NCKAP5: variants seen among roughly 807,000 people sequenced by gnomAD.
The protein encoded by NCKAP5 is NCK associated protein 5, also known as nck-associated protein 5.
A neutral mutation model predicts 167.0 loss-of-function variants in NCKAP5; 92 were observed. The ratio of observed to expected loss-of-function variants is 0.55; its 90% confidence interval spans 0.47 to 0.66. The LOEUF is 0.66. Ranked by LOEUF, NCKAP5 falls within the 30% of genes least tolerant of loss-of-function variation. The pLI is 0.00. For missense variants in NCKAP5, 2,378 were observed against 2,315.0 expected (o/e 1.03, Z -0.56); for synonymous variants, 891 against 877.4 (o/e 1.02, Z -0.27).
rs1688207713 is a variant in NCKAP5 at position 132,840,290 on chromosome 2, T to G, written c.807+20202A>C. 2.0e-5 allele frequency among the ~76,000 whole-genome samples: 3 copies of G among 150,806 alleles called. No homozygotes were observed. The Admixed American group carries it at 2.0e-4, about 10-fold the overall frequency. On this transcript the variant is annotated intron_variant, in intron 11 of 19. Coordinates refer to ENST00000409261, the MANE Select transcript of NCKAP5 (RefSeq NM_207363.3). Reference sequence around the variant, plus strand: ...CATTGCACAGCATTTTTTTTTTTTTTTTTGAGATAGAGTCTCGCTCTGTTG... The same window carrying G: ...CATTGCACAGCATTTTTTTTTTTTTGTTTGAGATAGAGTCTCGCTCTGTTG...
chr2:133,023,821 TACC>T (rs1380677823), intron 6 of NCKAP5, among the ~76,000 whole-genome samples: 1 of 152,190 alleles, frequency 6.6e-6, no homozygotes, highest in Non-Finnish European at 1.5e-5. Flanking sequence ...GGTATATATG[TACC>T]ACATTTTTAA....
intron 3 of NCKAP5, among the ~76,000 whole-genome samples, chr2:133,446,931 A>G (rs772041936): frequency 2.6e-4 from 40 of 152,152 alleles, no homozygotes; most frequent in Admixed American, 8.5e-4. Context: ...GAAGGGAACC[A>G]AAAGCATGCA....
intron 6 of NCKAP5, among the ~76,000 whole-genome samples, chr2:133,014,821 T>A (rs1375762529): frequency 6.6e-6 from 1 of 152,224 alleles, no homozygotes; most frequent in Non-Finnish European, 1.5e-5. Context: ...AACGTTCCCA[T>A]GTATAATGTT....
chr2:133,445,380 A>C (rs1691129563), intron 3 of NCKAP5, among the ~76,000 whole-genome samples: 1 of 152,194 alleles, frequency 6.6e-6, no homozygotes, highest in Non-Finnish European at 1.5e-5. Context: ...GTTTCAAAAG[A>C]CTTCCCATAT....
At chr2:132,855,666 G>T (rs1374827730) in intron 11 of NCKAP5, among the ~76,000 whole-genome samples, 1 of 152,168 alleles carries the variant, frequency 6.6e-6, no homozygotes, top group African/African-American at 2.4e-5. Flanking sequence ...AGAATGAAAA[G>T]CTTCCATCAC....
intron 16 of NCKAP5, among the ~76,000 whole-genome samples, chr2:132,749,378 A>AT: frequency 6.6e-6 from 1 of 151,808 alleles, no homozygotes; most frequent in East Asian, 2.0e-4. Flanking sequence ...TAATTTTTGT[A>AT]TTTTTTGTAG....
At chr2:132,816,001 T>C (rs1686240309) in intron 11 of NCKAP5, among the ~76,000 whole-genome samples, 1 of 152,116 alleles carries the variant, frequency 6.6e-6, no homozygotes, top group Non-Finnish European at 1.5e-5. Context: ...GCCAAAGGTG[T>C]CATCATAATC....
chr2:133,445,605 T>C (rs1691144187), intron 3 of NCKAP5, among the ~76,000 whole-genome samples: 1 of 152,162 alleles, frequency 6.6e-6, no homozygotes, highest in Admixed American at 6.5e-5. Context: ...CAAATTGTTA[T>C]TTGGTCCTTC....
At chr2:133,163,301 T>C (rs1311928350) in intron 5 of NCKAP5, among the ~76,000 whole-genome samples, 1 of 152,196 alleles carries the variant, frequency 6.6e-6, no homozygotes, top group Non-Finnish European at 1.5e-5. Context: ...TTAACTTGAT[T>C]GCCTCTACAC....
chr2:132,856,072 G>T (rs897813008), intron 11 of NCKAP5, among the ~76,000 whole-genome samples: 6 of 152,188 alleles, frequency 3.9e-5, no homozygotes, highest in African/African-American at 1.4e-4. Context: ...GCTGAGGCAG[G>T]AGAATGGCGT....
chr2:133,184,059 C>T (rs4954036), intron 5 of NCKAP5, among the ~76,000 whole-genome samples: 39,288 of 151,744 alleles, frequency 0.26, 5,910 homozygotes, highest in East Asian at 0.58. Flanking sequence ...TATGAATAAT[C>T]CTGTCACCCA....
At chr2:132,878,188 C>T (rs1691436407) in intron 9 of NCKAP5, among the ~76,000 whole-genome samples, 2 of 152,168 alleles carry the variant, frequency 1.3e-5, no homozygotes, top group Non-Finnish European at 2.9e-5. Flanking sequence ...TGTCTGTTTT[C>T]TCCTCACCTC....
At chr2:133,559,534 G>A (rs1688012459) in intron 1 of NCKAP5, among the ~76,000 whole-genome samples, 1 of 152,092 alleles carries the variant, frequency 6.6e-6, no homozygotes, top group Admixed American at 6.6e-5. Flanking sequence ...TGTTGGCCAG[G>A]CTGGTCTTGA....
intron 11 of NCKAP5, among the ~76,000 whole-genome samples, chr2:132,842,058 C>CACACATTTTTTAGGATT (rs1688331788): frequency 6.6e-6 from 1 of 152,086 alleles, no homozygotes; most frequent in Non-Finnish European, 1.5e-5. Context: ...ATTGGCATTA[C>CACACATTTTTTAGGATT]ACACATTTTT....
intron 8 of NCKAP5, among the ~76,000 whole-genome samples, chr2:132,882,172 A>G (rs1205818564): frequency 6.6e-6 from 1 of 152,144 alleles, no homozygotes; most frequent in Non-Finnish European, 1.5e-5. Context: ...TTCTAGGACC[A>G]TCTTGCTTTT....
At position 133,449,937 on chromosome 2, in the gene NCKAP5, T is replaced by C. The variant is rs147094217; in HGVS notation, c.69+67521A>G. 9.3e-4 allele frequency among the ~76,000 whole-genome samples: 142 copies of C among 152,190 alleles called. 1 individual carries two copies. Among genetic ancestry groups the C allele is most frequent in the African/African-American group, 3.3e-3 (139 of 41,524 alleles). On this transcript the variant is annotated intron_variant, in intron 3 of 19. Transcript: ENST00000409261. ...TTGACAACTACCTGCCAAATGTCTG[T>C]GCATCTCTATGTTTGAGCATCTCAA...
Position 132,767,382 on chromosome 2 carries a change from A to G in NCKAP5, c.5128+6434T>C, listed in dbSNP as rs191641459. 2.1e-3 allele frequency among the ~76,000 whole-genome samples: 321 copies of G among 152,134 alleles called. 6 individuals are homozygous for G. In the East Asian group the frequency reaches 0.042, roughly 20 times the overall value. ...CTGCCTCAGCTTCCAGAGTACCTGG[A>G]ATTACAGGCATGCACCACCACGCCT... On this transcript the variant is annotated intron_variant, in intron 16 of 19. Transcript: ENST00000409261.
chr2:133,086,894 T>C (rs2081011284), intron 6 of NCKAP5, among the ~76,000 whole-genome samples: 1 of 152,174 alleles, frequency 6.6e-6, no homozygotes, highest in African/African-American at 2.4e-5. Flanking sequence ...TATATTTCCA[T>C]GCATCATCTA....
At chr2:133,021,019 AAC>A (rs1314421914) in intron 6 of NCKAP5, among the ~76,000 whole-genome samples, 1 of 152,162 alleles carries the variant, frequency 6.6e-6, no homozygotes, top group East Asian at 1.9e-4. Flanking sequence ...TCTGCCCGGG[AAC>A]ACACACTAAC....
Sources: allele counts gnomAD v4.1 joint callset (sites outside exome capture counted in the v4.1 genomes callset), GRCh38; gene constraint gnomAD v4.1.1; transcripts MANE v1.5; gene names NCBI Gene and HGNC (gene_info 2026-07-23, HGNC 2026-07-21).